ZNF599: variants seen among roughly 807,000 people sequenced by gnomAD.
ZNF599 encodes the protein zinc finger protein 599.
A neutral mutation model predicts 11.7 loss-of-function variants in ZNF599; 10 were observed. The ratio of observed to expected loss-of-function variants is 0.86; its 90% CI spans 0.53 to 1.45. The LOEUF (loss-of-function observed/expected upper bound fraction) is 1.45. Ranked by LOEUF, ZNF599 falls within the 40% of genes most tolerant of loss-of-function variation. The probability of loss-of-function intolerance (pLI) is 0.00; values close to 1 mark genes in which losing one functional copy is unlikely to be tolerated. For missense variants in ZNF599, 688 were observed against 713.6 expected (o/e 0.96, Z 0.41); for synonymous variants, 232 against 253.2 (o/e 0.92, Z 0.79).
At chr19:34,798,122 C>T in the ZNF599 span, among the ~76,000 whole-genome samples, 1 of 152,310 alleles carries the variant, frequency 6.6e-6, no homozygotes, top group Non-Finnish European at 1.5e-5. Flanking sequence ...CTGGCAGTCC[C>T]ACCTGGCATT....
At chr19:34,792,862 CAAA>C in the ZNF599 span, among the ~76,000 whole-genome samples, 1 of 144,746 alleles carries the variant, frequency 6.9e-6, no homozygotes, top group Non-Finnish European at 1.5e-5. Context: ...GACTCTGTCT[CAAA>C]AAAAAAAAAA....
chr19:34,789,424 T>C, the ZNF599 span, among the ~76,000 whole-genome samples: 1 of 152,208 alleles, frequency 6.6e-6, no homozygotes, highest in Admixed American at 6.5e-5. Context: ...TTTGAGAAAC[T>C]TCCATACTGT....
intron 3 of ZNF599, chr19:34,763,749 C>G (rs2069125735): frequency 2.0e-5 from 3 of 152,168 alleles, no homozygotes; most frequent in Non-Finnish European, 2.9e-5. Context: ...GGGATACTCT[C>G]AGTTCCTGCC....
At chr19:34,765,440 C>T in intron 3 of ZNF599, 1 of 644,014 alleles carries the variant, frequency 1.6e-6, no homozygotes, top group Non-Finnish European at 2.8e-6. Flanking sequence ...GAGGACCCAG[C>T]TAAGCTGTGC....
At position 34,767,305 on chromosome 19, in the gene ZNF599, C is replaced by G; in HGVS notation, c.241+11G>C. On this transcript the variant is annotated intron_variant, in intron 3 of 3. Coordinates refer to ENST00000329285, the MANE Select transcript of ZNF599 (RefSeq NM_001007248.3). ...GCCCTGATACCCGCTGCCAGACTCT[C>G]AGTCACCAACCTGCGCAGGTGCTTT... The G allele has an allele frequency of 6.2e-7, 1 of 1,612,534 alleles. No homozygotes were observed. The highest frequency in any genetic ancestry group is 8.5e-7 in the Non-Finnish European group (1 of 1,178,634).
chr19:34,781,141 G>A, the ZNF599 span, among the ~76,000 whole-genome samples: 1,051 of 150,452 alleles, frequency 7.0e-3, 13 homozygotes, highest in African/African-American at 0.024. Context: ...GGGTGATAGA[G>A]CGAGACTCTG....
chr19:34,802,509 G>A, the ZNF599 span, among the ~76,000 whole-genome samples: 1 of 152,232 alleles, frequency 6.6e-6, no homozygotes, highest in Non-Finnish European at 1.5e-5. Context: ...TCACAACACA[G>A]TATGTGTGGG....
chr19:34,791,424 A>G, the ZNF599 span, among the ~76,000 whole-genome samples: 64 of 152,306 alleles, frequency 4.2e-4, no homozygotes, highest in African/African-American at 1.5e-3. Flanking sequence ...ACCTGTGTGG[A>G]TCTTGAATGA....
chr19:34,796,251 C>T, the ZNF599 span, among the ~76,000 whole-genome samples: 1 of 151,986 alleles, frequency 6.6e-6, no homozygotes. Context: ...GTATACCCAA[C>T]TAGTGATTCT....
the ZNF599 span, among the ~76,000 whole-genome samples, chr19:34,793,777 G>C: frequency 2.0e-5 from 3 of 152,312 alleles, no homozygotes; most frequent in East Asian, 1.9e-4. Flanking sequence ...AGTAGCAGAA[G>C]CCCTCGTGGA....
chr19:34,784,405 C>T, the ZNF599 span, among the ~76,000 whole-genome samples: 4 of 152,126 alleles, frequency 2.6e-5, no homozygotes, highest in Admixed American at 1.3e-4. Context: ...CAAATAAGAT[C>T]GCATTTTAAG....
At chr19:34,779,243 CTTTTTTTTTTTT>C in the ZNF599 span, among the ~76,000 whole-genome samples, 8 of 57,312 alleles carry the variant, frequency 1.4e-4, no homozygotes, top group Non-Finnish European at 1.9e-4. Context: ...CCATGCCCAG[CTTTTTTTTTTTT>C]TTTTTTTTTT....
chr19:34,768,656 T>C (rs1010118049), intron 2 of ZNF599, among the ~76,000 whole-genome samples: 2 of 152,202 alleles, frequency 1.3e-5, no homozygotes, highest in African/African-American at 2.4e-5. Flanking sequence ...CAGGTTACTA[T>C]AAAAATGGCA....
intron 3 of ZNF599, chr19:34,765,449 G>A: frequency 1.5e-6 from 1 of 653,036 alleles, no homozygotes; most frequent in Non-Finnish European, 2.8e-6. Context: ...GCTAAGCTGT[G>A]CCTGGACTCC....
chr19:34,789,569 A>G, the ZNF599 span, among the ~76,000 whole-genome samples: 1 of 152,084 alleles, frequency 6.6e-6, no homozygotes, highest in East Asian at 1.9e-4. Context: ...GTGATGTCTC[A>G]TTGTAATTTT....
intron 1 of ZNF599, among the ~76,000 whole-genome samples, chr19:34,770,485 C>T (rs2069176462): frequency 6.6e-6 from 1 of 152,234 alleles, no homozygotes; most frequent in Admixed American, 6.5e-5. Context: ...GAAGAGGCAC[C>T]TGAAGAGGTG....
chr19:34,777,466 T>G (rs9676762), upstream of ZNF599, among the ~76,000 whole-genome samples: 23 of 96,132 alleles, frequency 2.4e-4, no homozygotes, highest in East Asian at 1.7e-3. Flanking sequence ...TATAATATAT[T>G]ATATATTAAT....
At chr19:34,798,117 A>C in the ZNF599 span, among the ~76,000 whole-genome samples, 2 of 152,218 alleles carry the variant, frequency 1.3e-5, no homozygotes, top group Admixed American at 1.3e-4. Flanking sequence ...TCATTCTGGC[A>C]GTCCCACCTG....
chr19:34,774,426 T>G (rs572347930), upstream of ZNF599, among the ~76,000 whole-genome samples: 2 of 152,308 alleles, frequency 1.3e-5, no homozygotes, highest in Admixed American at 1.3e-4. Context: ...GTAGCCCACA[T>G]GAAGAGGGCA....
Sources: allele counts gnomAD v4.1 joint callset (sites outside exome capture counted in the v4.1 genomes callset), GRCh38; gene constraint gnomAD v4.1.1; transcripts MANE v1.5; gene names NCBI Gene and HGNC (gene_info 2026-07-23, HGNC 2026-07-21).